Variants in PACRG observed in about 807,000 individuals in gnomAD.
PACRG encodes the protein parkin coregulated, also known as parkin coregulated gene protein.
In PACRG, 29 loss-of-function variants were observed where a neutral mutation model predicts 29.7. The observed-to-expected ratio is 0.98, with a 90% CI of 0.73 to 1.33. PACRG has a LOEUF of 1.33. Ranked by LOEUF, PACRG falls within the 40% of genes most tolerant of loss-of-function variation. The pLI, the probability that PACRG is intolerant of heterozygous loss-of-function variation, is 0.00. For missense variants in PACRG, 279 were observed against 316.2 expected, an observed-to-expected ratio of 0.88 and a Z score of 0.89; for synonymous variants, 116 against 118.7, an observed-to-expected ratio of 0.98 and a Z score of 0.15.
chr6:162,920,363 C>G (rs188683553), intron 2 of PACRG, among the ~76,000 whole-genome samples: 1 of 152,142 alleles, frequency 6.6e-6, no homozygotes, highest in African/African-American at 2.4e-5. Context: ...GGCATCTGCA[C>G]TCTATTGGGC....
At chr6:163,173,722 C>T (rs992580409) in intron 4 of PACRG, among the ~76,000 whole-genome samples, 2 of 152,224 alleles carry the variant, frequency 1.3e-5, no homozygotes, top group African/African-American at 4.8e-5. Context: ...GCCCTCTCCA[C>T]CCTGAAAACT....
chr6:163,063,394 G>C (rs563415488), intron 3 of PACRG, among the ~76,000 whole-genome samples: 1 of 152,030 alleles, frequency 6.6e-6, no homozygotes, highest in Non-Finnish European at 1.5e-5. Context: ...TTGACAGGAC[G>C]CTTAGCTAGT....
chr6:163,034,978 G>T (rs751734680), intron 2 of PACRG, among the ~76,000 whole-genome samples: 1 of 152,160 alleles, frequency 6.6e-6, no homozygotes, highest in African/African-American at 2.4e-5. Context: ...CTAACAAGGC[G>T]TGGATTATTC....
chr6:163,286,694 C>G (rs1173677264), intron 4 of PACRG, among the ~76,000 whole-genome samples: 3 of 152,176 alleles, frequency 2.0e-5, no homozygotes, highest in Non-Finnish European at 2.9e-5. Context: ...GAAACAGGCT[C>G]CTTACTGAGT....
At chr6:163,287,144 G>A (rs934701040) in intron 4 of PACRG, among the ~76,000 whole-genome samples, 16 of 152,164 alleles carry the variant, frequency 1.1e-4, no homozygotes, top group African/African-American at 3.9e-4. Context: ...GTTGGTGGCT[G>A]TCGGAACGAA....
chr6:162,966,932 T>C (rs1801086471), intron 2 of PACRG, among the ~76,000 whole-genome samples: 1 of 152,168 alleles, frequency 6.6e-6, no homozygotes, highest in Admixed American at 6.6e-5. Context: ...ATTTGTGTAA[T>C]TACATCAAAA....
chr6:163,307,654 A>C (rs1171036872), intron 4 of PACRG, among the ~76,000 whole-genome samples: 3 of 152,226 alleles, frequency 2.0e-5, no homozygotes, highest in African/African-American at 7.2e-5. Flanking sequence ...CAGACACAGA[A>C]ACACCCAGGA....
intron 2 of PACRG, among the ~76,000 whole-genome samples, chr6:162,881,849 C>T (rs1321624358): frequency 6.6e-6 from 1 of 150,642 alleles, no homozygotes; most frequent in African/African-American, 2.4e-5. Flanking sequence ...AGGGTGCGCT[C>T]TCCACCAAGA....
At chr6:163,108,921 A>G (rs77222378) in intron 4 of PACRG, among the ~76,000 whole-genome samples, 6,734 of 152,256 alleles carry the variant, frequency 0.044, 491 homozygotes, top group African/African-American at 0.15. Flanking sequence ...AATAATATTC[A>G]CCAAGAAACC....
intron 2 of PACRG, among the ~76,000 whole-genome samples, chr6:162,911,911 T>C (rs1796329993): frequency 6.6e-6 from 1 of 152,286 alleles, no homozygotes; most frequent in South Asian, 2.1e-4. Flanking sequence ...AAGTAACCTA[T>C]AATTGAGAAA....
chr6:162,773,200 G>A (rs1430293230), intron 1 of PACRG, among the ~76,000 whole-genome samples: 1 of 152,156 alleles, frequency 6.6e-6, no homozygotes, highest in Non-Finnish European at 1.5e-5. Context: ...CTGAGAATGA[G>A]TTCAAGAGCA....
intron 2 of PACRG, among the ~76,000 whole-genome samples, chr6:162,884,570 C>T (rs889171438): frequency 6.6e-6 from 1 of 151,998 alleles, no homozygotes; most frequent in African/African-American, 2.4e-5. Flanking sequence ...AAATTATTTC[C>T]TAACAAATTT....
At chr6:163,290,805 A>T (rs1237023136) in intron 4 of PACRG, among the ~76,000 whole-genome samples, 2 of 152,160 alleles carry the variant, frequency 1.3e-5, no homozygotes, top group African/African-American at 4.8e-5. Context: ...GTCACTTAAA[A>T]ATGTCCTTAG....
chr6:163,050,350 T>C (rs1466799984), intron 2 of PACRG, among the ~76,000 whole-genome samples: 3 of 152,140 alleles, frequency 2.0e-5, no homozygotes, highest in Non-Finnish European at 4.4e-5. Flanking sequence ...GGCAGAGATA[T>C]TACCTTTGAC....
chr6:163,222,396 A>T (rs1451899082), intron 4 of PACRG, among the ~76,000 whole-genome samples: 1 of 152,140 alleles, frequency 6.6e-6, no homozygotes, highest in African/African-American at 2.4e-5. Context: ...CCTGGCCAAC[A>T]TGGTGAAACC....
At chr6:162,945,435 A>T (rs550392983) in intron 2 of PACRG, among the ~76,000 whole-genome samples, 1 of 152,264 alleles carries the variant, frequency 6.6e-6, no homozygotes, top group East Asian at 1.9e-4. Flanking sequence ...TAAAGGGATC[A>T]ATTCAACAAG....
Position 163,287,996 on chromosome 6 carries a change from G to A in PACRG, c.614-26831G>A, listed in dbSNP as rs184946795. ...AATGATTTGGAGAGACTAGGCCTCC[G>A]GGTTCTTGCTTTTCTTTTCCCCACA... On this transcript the variant is annotated intron_variant, in intron 4 of 4. Transcript: ENST00000366888. Among the ~76,000 whole-genome samples, 90 of 152,216 alleles carry A rather than the reference G, an allele frequency of 5.9e-4. No individual in the cohort carries two copies. In the East Asian group the frequency reaches 0.012, roughly 20 times the overall value.
At position 162,814,155 on chromosome 6, in the gene PACRG, C is replaced by A; in HGVS notation, c.165C>A (p.Gly55=). The A allele has an allele frequency of 6.2e-7, 1 of 1,610,810 alleles. No individual in the cohort carries two copies. Among genetic ancestry groups the A allele is most frequent in the Non-Finnish European group, 8.5e-7 (1 of 1,178,032 alleles). ...TTTTTTTTCCAATTAAGGTGAGAGG[C>A]CCTCCAGCTGCAGGGGCATTTAAAG... is the stretch of plus-strand genomic sequence containing the variant. ...KAMMKNSVVR[G]PPAAGAFKER... Residue 55 remains glycine, a synonymous_variant, in exon 2 of 5, where the codon GGC becomes GGA. Coordinates refer to ENST00000366888, the MANE Select transcript of PACRG (RefSeq NM_001080379.2).
intron 4 of PACRG, among the ~76,000 whole-genome samples, chr6:163,099,395 A>G (rs1044824852): frequency 4.6e-5 from 7 of 152,250 alleles, no homozygotes; most frequent in Admixed American, 4.6e-4. Context: ...GTGAGCAGGC[A>G]TGCACATATT....
Sources: gnomAD v4.1 joint callset for allele counts (sites outside exome capture counted in the v4.1 genomes callset) on GRCh38, gnomAD v4.1.1 for gene constraint, MANE v1.5 for transcripts, NCBI Gene and HGNC (gene_info 2026-07-23, HGNC 2026-07-21) for gene names.